The following SDK1 variants were observed in gnomAD, a reference collection of about 807,000 sequenced individuals.
SDK1 encodes the protein sidekick cell adhesion molecule 1.
SDK1 carries 157 observed loss-of-function variants against 245.5 expected under a neutral mutation model. That is an observed-to-expected ratio of 0.64 (90% CI 0.56 to 0.73). The LOEUF (loss-of-function observed/expected upper bound fraction) is 0.73, where lower values mean the gene tolerates loss of function less well. SDK1 is among the 30% of genes least tolerant of loss of function. The probability of loss-of-function intolerance (pLI) is 0.00; values close to 1 mark genes in which losing one functional copy is unlikely to be tolerated. For synonymous variants in SDK1, 1,647 were observed against 1,278.5 expected (o/e 1.29, Z -6.15); for missense variants, 3,583 against 3,002.3 (o/e 1.19, Z -4.52).
intron 30 of SDK1, 31 bp downstream of exon 30, chr7:4,149,494 G>A: frequency 7.2e-7 from 1 of 1,388,844 alleles, no homozygotes; most frequent in Non-Finnish European, 9.4e-7. Flanking sequence ...CCTCCCCGGG[G>A]AACGGGGCCC....
At chr7:3,811,887 C>T (rs1043907689) in intron 4 of SDK1, among the ~76,000 whole-genome samples, 1 of 152,204 alleles carries the variant, frequency 6.6e-6, no homozygotes, top group Non-Finnish European at 1.5e-5. Flanking sequence ...CAGATTTTTA[C>T]ACTTTCAAAA....
intron 4 of SDK1, chr7:3,643,875 A>C (rs974237027): frequency 6.8e-6 from 1 of 147,876 alleles, no homozygotes; most frequent in Admixed American, 6.8e-5. Context: ...AATTATTATT[A>C]TTACTATTAA....
chr7:3,495,147 C>T (rs1406996842), intron 1 of SDK1, among the ~76,000 whole-genome samples: 4 of 151,576 alleles, frequency 2.6e-5, no homozygotes, highest in African/African-American at 9.7e-5. Context: ...TGTAACAGCG[C>T]TTTTCTTAGT....
At chr7:4,015,614 G>A (rs1042537063) in intron 16 of SDK1, among the ~76,000 whole-genome samples, 5 of 152,326 alleles carry the variant, frequency 3.3e-5, no homozygotes, top group African/African-American at 4.8e-5. Context: ...AGAATTGCAC[G>A]TGTACTTGCT....
At chr7:3,744,207 GA>G in intron 4 of SDK1, among the ~76,000 whole-genome samples, 1 of 152,056 alleles carries the variant, frequency 6.6e-6, no homozygotes, top group East Asian at 1.9e-4. Context: ...CATCTCCCAA[GA>G]AAGGTCCTCT....
At chr7:3,964,825 G>C (rs1008927121) in intron 9 of SDK1, among the ~76,000 whole-genome samples, 1 of 152,228 alleles carries the variant, frequency 6.6e-6, no homozygotes. Flanking sequence ...GACTGACCAG[G>C]TGTGTAGCAA....
At chr7:3,506,452 G>A (rs1348331347) in intron 1 of SDK1, among the ~76,000 whole-genome samples, 1 of 151,906 alleles carries the variant, frequency 6.6e-6, no homozygotes, top group Non-Finnish European at 1.5e-5. Context: ...TTTGGGTTTC[G>A]TCTTTTAAAT....
At chr7:3,754,692 G>A (rs1339584510) in intron 4 of SDK1, among the ~76,000 whole-genome samples, 3 of 151,968 alleles carry the variant, frequency 2.0e-5, no homozygotes, top group Admixed American at 6.6e-5. Flanking sequence ...GGGGGGTGGG[G>A]GGCGGAGTAC....
At chr7:4,104,104 T>G (rs1782754977) in intron 22 of SDK1, among the ~76,000 whole-genome samples, 1 of 152,350 alleles carries the variant, frequency 6.6e-6, no homozygotes, top group African/African-American at 2.4e-5. Flanking sequence ...CTGTGGCCCA[T>G]GCTGGAGTGC....
At chr7:3,888,843 TCTATATGTTATG>T (rs1173915598) in intron 5 of SDK1, among the ~76,000 whole-genome samples, 1 of 152,252 alleles carries the variant, frequency 6.6e-6, no homozygotes, top group Non-Finnish European at 1.5e-5. Context: ...ATTCTCGTAT[TCTATATGTTATG>T]CTATATGTTA....
chr7:3,654,031 C>T (rs1783085493), intron 4 of SDK1, among the ~76,000 whole-genome samples: 1 of 152,118 alleles, frequency 6.6e-6, no homozygotes, highest in South Asian at 2.1e-4. Context: ...AAAAAACGTT[C>T]ATCTTTCTGT....
At chr7:3,440,047 C>CT (rs1780149736) in intron 1 of SDK1, among the ~76,000 whole-genome samples, 1 of 152,134 alleles carries the variant, frequency 6.6e-6, no homozygotes, top group Admixed American at 6.6e-5. Flanking sequence ...CCCCTCTCAC[C>CT]TGCATATTCA....
intron 13 of SDK1, among the ~76,000 whole-genome samples, chr7:3,975,534 C>A (rs1319891564): frequency 6.6e-6 from 1 of 152,182 alleles, no homozygotes; most frequent in Non-Finnish European, 1.5e-5. Context: ...TCCCTGAATC[C>A]CAAGACTCCA....
intron 1 of SDK1, among the ~76,000 whole-genome samples, chr7:3,368,485 G>C (rs895620292): frequency 6.6e-6 from 1 of 152,182 alleles, no homozygotes; most frequent in Non-Finnish European, 1.5e-5. Flanking sequence ...AATCAGTATG[G>C]AGTAGGGGGA....
At chr7:4,197,904 G>A (rs1010348048) in intron 35 of SDK1, among the ~76,000 whole-genome samples, 1 of 152,190 alleles carries the variant, frequency 6.6e-6, no homozygotes, top group African/African-American at 2.4e-5. Context: ...CAGAGGCAGG[G>A]CTTAAAGGTT....
intron 38 of SDK1, among the ~76,000 whole-genome samples, chr7:4,211,142 A>C (rs1784490023): frequency 6.6e-6 from 1 of 152,160 alleles, no homozygotes; most frequent in Admixed American, 6.5e-5. Flanking sequence ...CCTCGGGCCC[A>C]ATCCCCCGTC....
At chr7:3,575,816 G>A (rs191933272) in intron 1 of SDK1, among the ~76,000 whole-genome samples, 1 of 151,976 alleles carries the variant, frequency 6.6e-6, no homozygotes, top group Admixed American at 6.6e-5. Context: ...AATAGCGTTT[G>A]TCTTGTTACA....
rs369664157 is a variant in SDK1, at chr7:3,335,874, T to TCAAAATCCCTGGACTTCATATAA, written c.298+33995_298+34017dup. Among the ~76,000 whole-genome samples the TCAAAATCCCTGGACTTCATATAA allele has an allele frequency of 7.6e-3, 1,159 of 152,212 alleles. 16 individuals are homozygous for TCAAAATCCCTGGACTTCATATAA. The highest frequency in any genetic ancestry group is 0.027 in the African/African-American group (1,127 of 41,480). On this transcript the variant is annotated intron_variant, in intron 1 of 44. Coordinates refer to ENST00000404826, the MANE Select transcript of SDK1 (RefSeq NM_152744.4). The stretch of plus-strand genomic sequence containing the variant: ...CCATTTCTCTCTACCCTCTTAGGAC[T>TCAAAATCCCTGGACTTCATATAA]CAAAATCCCTGGACTTCATATAACA...
intron 5 of SDK1, among the ~76,000 whole-genome samples, chr7:3,855,633 A>AT (rs1780527444): frequency 6.6e-6 from 1 of 152,240 alleles, no homozygotes; most frequent in African/African-American, 2.4e-5. Flanking sequence ...CAGGAGTTTC[A>AT]TAATAAGGGA....
Sources: gnomAD v4.1 joint callset for allele counts (sites outside exome capture counted in the v4.1 genomes callset) on GRCh38, gnomAD v4.1.1 for gene constraint, MANE v1.5 for transcripts, NCBI Gene and HGNC (gene_info 2026-07-23, HGNC 2026-07-21) for gene names.